The following FOCAD variants were observed in gnomAD, a reference collection of about 807,000 sequenced individuals.
FOCAD encodes KIAA1797.
A neutral mutation model predicts 225.6 loss-of-function variants in FOCAD; 198 were observed. The observed-to-expected ratio is 0.88, with a 90% confidence interval of 0.78 to 0.99. The LOEUF (loss-of-function observed/expected upper bound fraction) is 0.99. FOCAD is among the 50% of genes least tolerant of loss of function. FOCAD has a pLI of 0.00. For synonymous variants in FOCAD, 897 were observed against 755.0 expected, an observed-to-expected ratio of 1.19 and a Z score of -3.08; for missense variants, 2,713 against 2,123.6, an observed-to-expected ratio of 1.28 and a Z score of -5.46.
chr9:20,818,398 T>C (rs1427525099), intron 11 of FOCAD, among the ~76,000 whole-genome samples: 1 of 152,144 alleles, frequency 6.6e-6, no homozygotes, highest in African/African-American at 2.4e-5. Context: ...TTTTTCCTTT[T>C]GTGGCTTGTA....
At chr9:20,918,185 T>C (rs1339631716) in intron 24 of FOCAD, among the ~76,000 whole-genome samples, 2 of 152,250 alleles carry the variant, frequency 1.3e-5, no homozygotes, top group Non-Finnish European at 2.9e-5. Flanking sequence ...ATATATCCTA[T>C]TAAAAGCAGT....
chr9:20,674,842 T>A (rs1822185341), intron 2 of FOCAD, among the ~76,000 whole-genome samples: 1 of 152,194 alleles, frequency 6.6e-6, no homozygotes, highest in African/African-American at 2.4e-5. Context: ...AGGACTGAAA[T>A]TTAAGAAGCC....
At chr9:20,851,071 T>C (rs1256049309) in intron 15 of FOCAD, among the ~76,000 whole-genome samples, 3 of 151,558 alleles carry the variant, frequency 2.0e-5, no homozygotes, top group African/African-American at 7.3e-5. Context: ...TATGAAAATA[T>C]TAGATAACCT....
At chr9:20,721,164 GAA>G (rs1404001696) in intron 4 of FOCAD, among the ~76,000 whole-genome samples, 1 of 152,280 alleles carries the variant, frequency 6.6e-6, no homozygotes, top group East Asian at 1.9e-4. Flanking sequence ...AATACTCCCT[GAA>G]AAAGAGTTGT....
chr9:20,966,511 T>TCA (rs1839269034), intron 35 of FOCAD, among the ~76,000 whole-genome samples: 1 of 152,164 alleles, frequency 6.6e-6, no homozygotes, highest in South Asian at 2.1e-4. Flanking sequence ...GAACAAGTTT[T>TCA]TAACTTCGAC....
chr9:20,976,422 C>G lies in FOCAD; in HGVS notation c.4135C>G (p.Pro1379Ala), dbSNP rs116541636. 3 of 1,612,748 alleles carry G rather than the reference C, an allele frequency of 1.9e-6. No individual in the cohort carries two copies. The Admixed American group carries it at 5.0e-5, about 27-fold the overall frequency. Reference sequence around the variant, plus strand: ...TTATTTTTCACTGTCTGTTATAGGTCCTGAATCTGTGCCTCCTTCCCTTCT... The same window carrying G: ...TTATTTTTCACTGTCTGTTATAGGTGCTGAATCTGTGCCTCCTTCCCTTCT... ...GFFITGGKKGPESVPPSLLKV... is the reference protein window; with the variant it reads ...GFFITGGKKGAESVPPSLLKV... Residue 1379 changes from proline to alanine, a missense_variant and splice_region_variant, in exon 36 of 44, where the codon CCT (proline) becomes GCT (alanine). By Grantham distance (27) the Pro-to-Ala change is conservative. Transcript: ENST00000338382.
rs565280892 is a variant in FOCAD, at chr9:20,939,150, CAA to C, written c.3408-5461_3408-5460del. 2.1e-4 allele frequency among the ~76,000 whole-genome samples: 15 copies of C among 72,482 alleles called. 1 individual carries two copies. The highest frequency in any genetic ancestry group is 8.1e-4 in the Admixed American group (5 of 6,162). The allele number at this position is 72,482 out of a possible 152,430, so 47.6% of individuals were successfully genotyped here. A position where few individuals can be genotyped will look rare whatever the true frequency, so the allele number is the denominator to read the frequency against. Reference sequence around the variant, plus strand: ...GGGCGACAGAGCGAGACTCTCTTCTCAAAAAAAAAAAAAAAAAGAGTGTGGTT... The same window carrying C: ...GGGCGACAGAGCGAGACTCTCTTCTCAAAAAAAAAAAAAAAGAGTGTGGTT... On this transcript the variant is annotated intron_variant, in intron 28 of 43. Coordinates refer to ENST00000338382, the MANE Select transcript of FOCAD (RefSeq NM_001375567.1).
At chr9:20,866,272 C>T (rs1051811284) in intron 17 of FOCAD, among the ~76,000 whole-genome samples, 1 of 151,414 alleles carries the variant, frequency 6.6e-6, no homozygotes, top group Non-Finnish European at 1.5e-5. Context: ...TCCTGCTTTG[C>T]CCCTTCCCCA....
At chr9:20,799,316 A>G (rs1392675721) in intron 11 of FOCAD, among the ~76,000 whole-genome samples, 2 of 152,142 alleles carry the variant, frequency 1.3e-5, no homozygotes, top group African/African-American at 4.8e-5. Context: ...AAAAGAATGT[A>G]TATTCTGTTG....
intron 8 of FOCAD, 108 bp from the exon 9 acceptor site, chr9:20,778,573 T>C (rs184831527): frequency 1.6e-6 from 1 of 607,270 alleles, no homozygotes; most frequent in East Asian, 2.8e-5. Context: ...ATTTGTGTAA[T>C]AGGCTTGCAG....
intron 2 of FOCAD, among the ~76,000 whole-genome samples, chr9:20,659,552 T>C (rs907525578): frequency 6.6e-6 from 1 of 151,296 alleles, no homozygotes; most frequent in Non-Finnish European, 1.5e-5. Context: ...GAGGATATGG[T>C]GAGAAAGTGG....
rs144863468 is a variant in FOCAD, at chr9:20,944,637, A to T, written c.3418A>T (p.Ile1140Leu). The change falls in exon 29 of 44, where the codon ATA becomes TTA. Residue 1140 changes from isoleucine to leucine, a missense_variant. Coordinates refer to ENST00000338382, the MANE Select transcript of FOCAD (RefSeq NM_001375567.1). Reference sequence around the variant, plus strand: ...TTTTTGGCTTCCAAGCACGGGCTGTATATTGGGAGTTGGACTTGTTCTGTC... The same window carrying T: ...TTTTTGGCTTCCAAGCACGGGCTGTTTATTGGGAGTTGGACTTGTTCTGTC... ...DTSLEYNTGC[I>L]LGVGLVLSLM... 6.2e-6 allele frequency: 10 copies of T among 1,613,376 alleles called. No individual in the cohort carries two copies. The African/African-American group carries it at 1.2e-4, about 19-fold the overall frequency.
intron 5 of FOCAD, among the ~76,000 whole-genome samples, chr9:20,746,995 T>A (rs1343041531): frequency 6.6e-6 from 1 of 152,198 alleles, no homozygotes. Flanking sequence ...CATTGGGGAT[T>A]TTAATTTTGG....
intron 1 of FOCAD, among the ~76,000 whole-genome samples, chr9:20,710,562 C>T (rs1199657269): frequency 1.3e-5 from 2 of 151,632 alleles, no homozygotes; most frequent in Admixed American, 6.6e-5. Flanking sequence ...CGCCATTTCA[C>T]TCTAGCCTGG....
intron 15 of FOCAD, among the ~76,000 whole-genome samples, chr9:20,850,056 T>C (rs900889567): frequency 6.6e-6 from 1 of 151,854 alleles, no homozygotes; most frequent in African/African-American, 2.4e-5. Flanking sequence ...ATTTGTAATA[T>C]TTATGTTTTG....
At chr9:20,828,379 A>G (rs1468510092) in intron 15 of FOCAD, among the ~76,000 whole-genome samples, 1 of 152,064 alleles carries the variant, frequency 6.6e-6, no homozygotes, top group East Asian at 1.9e-4. Flanking sequence ...TATTTTGAAT[A>G]ATGCTGCTAT....
chr9:20,961,004 T>C (rs1243054481), intron 35 of FOCAD, among the ~76,000 whole-genome samples: 1 of 152,112 alleles, frequency 6.6e-6, no homozygotes, highest in Admixed American at 6.6e-5. Flanking sequence ...TGATGGACAT[T>C]TGGGTTGGTT....
intron 20 of FOCAD, among the ~76,000 whole-genome samples, chr9:20,884,223 A>G (rs1012212394): frequency 1.3e-5 from 2 of 152,214 alleles, no homozygotes; most frequent in Non-Finnish European, 2.9e-5. Context: ...TTATTTACTC[A>G]TAAGTAAATT....
At chr9:20,703,335 C>T (rs1021337883) in intron 1 of FOCAD, among the ~76,000 whole-genome samples, 1 of 151,948 alleles carries the variant, frequency 6.6e-6, no homozygotes, top group African/African-American at 2.4e-5. Context: ...GTGTGGTTGT[C>T]GGGGTGGTTT....
Sources: allele counts gnomAD v4.1 joint callset (sites outside exome capture counted in the v4.1 genomes callset), GRCh38; gene constraint gnomAD v4.1.1; transcripts MANE v1.5; gene names NCBI Gene and HGNC (gene_info 2026-07-23, HGNC 2026-07-21).